The following PCDH11X variants were observed in gnomAD, a reference collection of about 807,000 sequenced individuals.
The protein encoded by PCDH11X is protocadherin 11 X-linked.
A neutral mutation model predicts 53.3 loss-of-function variants in PCDH11X; 18 were observed. The ratio of observed to expected loss-of-function variants is 0.34; its 90% CI spans 0.23 to 0.50. The LOEUF is 0.50. Among genes scored for constraint, PCDH11X ranks in the 20% least tolerant of loss-of-function variants. The probability of loss-of-function intolerance (pLI) is 0.98; values close to 1 mark genes in which losing one functional copy is unlikely to be tolerated. For missense variants in PCDH11X, 570 were observed against 1,032.4 expected, an observed-to-expected ratio of 0.55 and a Z score of 6.14; for synonymous variants, 279 against 393.3, an observed-to-expected ratio of 0.71 and a Z score of 3.44.
intron 5 of PCDH11X, among the ~76,000 whole-genome samples, chrX:91,840,708 C>A (rs1349552115): frequency 9.1e-6 from 1 of 110,432 alleles, no homozygotes; most frequent in Non-Finnish European, 1.9e-5. Context: ...AGACAAAGAG[C>A]AAGCAAACTT....
At chrX:91,950,990 T>A (rs997829190) in intron 6 of PCDH11X, among the ~76,000 whole-genome samples, 44 of 111,036 alleles carry the variant, frequency 4.0e-4, no homozygotes, top group African/African-American at 1.4e-3. Context: ...AGCAACCTTA[T>A]TTTTTCAAAA....
chrX:92,102,137 C>G (rs555242946), intron 6 of PCDH11X, among the ~76,000 whole-genome samples: 329 of 110,720 alleles, frequency 3.0e-3, no homozygotes, highest in African/African-American at 0.01. Context: ...ATTGAAGTCC[C>G]GGCCAGGAAC....
chrX:91,804,163 G>A (rs1165843117), intron 1 of PCDH11X, among the ~76,000 whole-genome samples: 7 of 111,426 alleles, frequency 6.3e-5, no homozygotes. Context: ...CAAACTCTTA[G>A]CAAAATTAAA....
intron 6 of PCDH11X, among the ~76,000 whole-genome samples, chrX:92,176,927 A>G (rs2065918001): frequency 9.2e-6 from 1 of 109,209 alleles, no homozygotes; most frequent in Non-Finnish European, 1.9e-5. Flanking sequence ...TAACTAGCAG[A>G]TATTTTAAGC....
At chrX:91,953,500 A>G (rs1029780642) in intron 6 of PCDH11X, among the ~76,000 whole-genome samples, 3 of 110,369 alleles carry the variant, frequency 2.7e-5, no homozygotes, top group Admixed American at 9.6e-5. Context: ...TTTTATATTT[A>G]GAAGCAAGTT....
intron 8 of PCDH11X, among the ~76,000 whole-genome samples, chrX:92,335,723 C>T (rs1335442127): frequency 9.0e-6 from 1 of 111,512 alleles, no homozygotes; most frequent in Non-Finnish European, 1.9e-5. Flanking sequence ...CAGAAAATTT[C>T]CTTAAATGTA....
At chrX:91,968,950 G>T (rs1033723482) in intron 6 of PCDH11X, among the ~76,000 whole-genome samples, 23 of 111,170 alleles carry the variant, frequency 2.1e-4, no homozygotes, top group African/African-American at 7.5e-4. Context: ...ATTTCTCTTA[G>T]AAAGTCCGAA....
intron 9 of PCDH11X, among the ~76,000 whole-genome samples, chrX:92,401,105 A>G (rs1422810062): frequency 9.3e-6 from 1 of 108,044 alleles, no homozygotes; most frequent in Non-Finnish European, 1.9e-5. Context: ...TTCACATCTT[A>G]CAATAGCACC....
chrX:92,278,142 G>A (rs2068151598), intron 8 of PCDH11X, among the ~76,000 whole-genome samples: 1 of 111,741 alleles, frequency 8.9e-6, no homozygotes, highest in African/African-American at 3.3e-5. Context: ...TTGAAGTGTG[G>A]TTCCAAGATT....
At chrX:91,809,002 G>A (rs778624227) in intron 1 of PCDH11X, among the ~76,000 whole-genome samples, 13 of 103,676 alleles carry the variant, frequency 1.3e-4, no homozygotes, top group South Asian at 4.2e-4. Flanking sequence ...AAAGTTTATC[G>A]CAAGTAACTT....
chrX:92,254,524 T>C (rs1293788211), intron 7 of PCDH11X, among the ~76,000 whole-genome samples: 2 of 108,993 alleles, frequency 1.8e-5, no homozygotes, highest in Non-Finnish European at 3.8e-5. Context: ...TGATGCAGTT[T>C]CTTCCTAGTC....
chrX:92,120,246 C>T (rs182295325), intron 6 of PCDH11X, among the ~76,000 whole-genome samples: 2,865 of 106,346 alleles, frequency 0.027, 50 homozygotes, highest in Non-Finnish European at 0.043. Context: ...CTGCAACCTC[C>T]GCCTCCTGGG....
chrX:92,616,937 A>T (rs1346980248), intron 10 of PCDH11X, among the ~76,000 whole-genome samples: 1 of 111,047 alleles, frequency 9.0e-6, no homozygotes, highest in Non-Finnish European at 1.9e-5. Flanking sequence ...AATTTTAAGC[A>T]CACAGATTCC....
In PCDH11X at chrX:92,453,045, T is replaced by G. The variant is rs989193860; in HGVS notation, c.3344-15254T>G. 8.7e-5 allele frequency among the ~76,000 whole-genome samples: 9 copies of G among 102,945 alleles called. No homozygotes were observed. The East Asian group carries it at 8.8e-4, about 10-fold the overall frequency. The allele number at this position is 102,945 out of a possible 115,157, so 89.4% of individuals were successfully genotyped here. On this transcript the variant is annotated intron_variant, in intron 9 of 10. Coordinates refer to ENST00000682573, the MANE Select transcript of PCDH11X (RefSeq NM_032968.5). Reference sequence around the variant, plus strand: ...TGCCTTTTTATGGATATGTCAATATTTATAACAGTGTTTGAAGTAGACAAA... The same window carrying G: ...TGCCTTTTTATGGATATGTCAATATGTATAACAGTGTTTGAAGTAGACAAA...
intron 8 of PCDH11X, among the ~76,000 whole-genome samples, chrX:92,301,892 A>G (rs1043388175): frequency 1.3e-4 from 14 of 110,292 alleles, no homozygotes; most frequent in Non-Finnish European, 2.5e-4. Context: ...CAGTGAAACT[A>G]CCTGGTCCTG....
chrX:91,794,642 T>A (rs1935671504), intron 1 of PCDH11X, among the ~76,000 whole-genome samples: 1 of 110,542 alleles, frequency 9.0e-6, no homozygotes, highest in African/African-American at 3.3e-5. Context: ...ATTCATTCTG[T>A]TCTCATTATT....
chrX:91,800,982 C>G (rs1186547860), intron 1 of PCDH11X, among the ~76,000 whole-genome samples: 1 of 107,506 alleles, frequency 9.3e-6, no homozygotes, highest in Non-Finnish European at 1.9e-5. Context: ...ATTTCCAGAC[C>G]AGCCTGGGCA....
chrX:92,244,666 C>A (rs1053807283), intron 7 of PCDH11X, among the ~76,000 whole-genome samples: 2 of 111,668 alleles, frequency 1.8e-5, no homozygotes, highest in African/African-American at 6.5e-5. Context: ...CTTATACTCA[C>A]TATTGTCATT....
At chrX:92,043,317 A>G (rs1488375510) in intron 6 of PCDH11X, among the ~76,000 whole-genome samples, 1 of 110,187 alleles carries the variant, frequency 9.1e-6, no homozygotes, top group Non-Finnish European at 1.9e-5. Context: ...AGTTCAATGA[A>G]GTAGTGATTG....
Sources: allele counts gnomAD v4.1 joint callset (sites outside exome capture counted in the v4.1 genomes callset), GRCh38; gene constraint gnomAD v4.1.1; transcripts MANE v1.5; gene names NCBI Gene and HGNC (gene_info 2026-07-23, HGNC 2026-07-21).